Variants in LRCH1 observed in about 807,000 individuals in gnomAD.
LRCH1 encodes leucine rich repeats and calponin homology domain containing 1.
A neutral mutation model predicts 94.9 loss-of-function variants in LRCH1; 23 were observed. The ratio of observed to expected loss-of-function variants is 0.24; its 90% CI spans 0.17 to 0.34. The LOEUF is 0.34. Among genes scored for constraint, LRCH1 ranks in the 10% least tolerant of loss-of-function variants. The pLI, the probability that LRCH1 is intolerant of heterozygous loss-of-function variation, is 1.00. For missense variants in LRCH1, 790 were observed against 945.9 expected, an observed-to-expected ratio of 0.84 and a Z score of 2.16; for synonymous variants, 364 against 354.9, an observed-to-expected ratio of 1.03 and a Z score of -0.29.
chr13:46,604,910 T>C (rs953591558), intron 1 of LRCH1, among the ~76,000 whole-genome samples: 3 of 152,230 alleles, frequency 2.0e-5, no homozygotes, highest in African/African-American at 7.2e-5. Flanking sequence ...CATCGGAGAA[T>C]GTTCTCAGCC....
At chr13:46,627,979 G>A (rs2138038432) in intron 1 of LRCH1, among the ~76,000 whole-genome samples, 1 of 152,086 alleles carries the variant, frequency 6.6e-6, no homozygotes, top group Admixed American at 6.5e-5. Flanking sequence ...TCTGGCTAAT[G>A]GGAAATATTG....
chr13:46,576,613 C>A (rs1051625968), intron 1 of LRCH1, among the ~76,000 whole-genome samples: 4 of 152,216 alleles, frequency 2.6e-5, no homozygotes, highest in Non-Finnish European at 5.9e-5. Context: ...ATGCCTCTTT[C>A]CTTTCAATGT....
At position 46,566,151 on chromosome 13, in the gene LRCH1, A is replaced by G. The variant is rs146579116; in HGVS notation, c.307+12448A>G. On this transcript the variant is annotated intron_variant, in intron 1 of 19. Coordinates refer to ENST00000389797, the MANE Select transcript of LRCH1 (RefSeq NM_001164211.2). The stretch of plus-strand genomic sequence containing the variant: ...AAAACAAGCAAACAAATAAAAAACC[A>G]TTGACAGTCTCTTCATGTTCTTGGC... Among the ~76,000 whole-genome samples, 362 of 152,266 alleles carry G rather than the reference A, an allele frequency of 2.4e-3. 1 individual carries two copies. The highest frequency in any genetic ancestry group is 8.3e-3 in the African/African-American group (343 of 41,550).
intron 1 of LRCH1, among the ~76,000 whole-genome samples, chr13:46,583,703 G>T (rs538478336): frequency 4.0e-5 from 6 of 151,894 alleles, no homozygotes; most frequent in Non-Finnish European, 7.4e-5. Flanking sequence ...ATACATTTTT[G>T]AACGTAATCA....
intron 8 of LRCH1, among the ~76,000 whole-genome samples, chr13:46,692,966 CTTTTTTT>C (rs556715797): frequency 2.3e-5 from 3 of 128,186 alleles, no homozygotes; most frequent in African/African-American, 5.9e-5. Context: ...AGATAAAATT[CTTTTTTT>C]TTTTTTTTTT....
intron 3 of LRCH1, among the ~76,000 whole-genome samples, chr13:46,670,830 C>CAGGGAG (rs1008141116): frequency 1.3e-5 from 2 of 151,754 alleles, no homozygotes; most frequent in African/African-American, 4.8e-5. Context: ...AAGTCAGGGA[C>CAGGGAG]AGGGAAAGCA....
At chr13:46,693,265 G>A (rs1404987766) in intron 8 of LRCH1, among the ~76,000 whole-genome samples, 1 of 152,134 alleles carries the variant, frequency 6.6e-6, no homozygotes, top group African/African-American at 2.4e-5. Context: ...AAGTTCAAAT[G>A]GAGTTAGTGA....
intron 2 of LRCH1, among the ~76,000 whole-genome samples, chr13:46,665,645 A>T (rs2051504773): frequency 6.6e-6 from 1 of 152,160 alleles, no homozygotes; most frequent in Non-Finnish European, 1.5e-5. Context: ...CAGACTCTGC[A>T]GGGACAGTGA....
chr13:46,695,831 A>G (rs1483552478), intron 9 of LRCH1, among the ~76,000 whole-genome samples: 2 of 152,178 alleles, frequency 1.3e-5, no homozygotes, highest in Non-Finnish European at 2.9e-5. Context: ...ATCTCTGGGC[A>G]TCACCTTCAA....
rs540820490 is a variant in LRCH1 at position 46,607,549 on chromosome 13, G to T, written c.308-42652G>T. The stretch of plus-strand genomic sequence containing the variant: ...AATGATGAATAAATAGAGTCAGTGA[G>T]GACCTTCTTGCCCTCATGATTCATT... On this transcript the variant is annotated intron_variant, in intron 1 of 19. Coordinates refer to ENST00000389797, the MANE Select transcript of LRCH1 (RefSeq NM_001164211.2). Among the ~76,000 whole-genome samples, 30 of 152,104 alleles carry T rather than the reference G, an allele frequency of 2.0e-4. 1 individual carries two copies. In the South Asian group the frequency reaches 6.3e-3, roughly 32 times the overall value.
intron 1 of LRCH1, among the ~76,000 whole-genome samples, chr13:46,584,931 T>C (rs2050413792): frequency 6.6e-6 from 1 of 150,608 alleles, no homozygotes; most frequent in Admixed American, 6.7e-5. Context: ...GAGAAATGTA[T>C]TTTGGTCTGA....
intron 1 of LRCH1, among the ~76,000 whole-genome samples, chr13:46,599,796 C>T (rs1001873775): frequency 1.8e-4 from 27 of 152,112 alleles, no homozygotes; most frequent in African/African-American, 6.5e-4. Context: ...AGTAGGTGCT[C>T]AGTTCATTTT....
chr13:46,600,618 TACACACACAC>T (rs3068695), intron 1 of LRCH1, among the ~76,000 whole-genome samples: 17 of 143,286 alleles, frequency 1.2e-4, no homozygotes, highest in African/African-American at 4.2e-4. Flanking sequence ...TGACCAGATT[TACACACACAC>T]ACACACACAC....
At chr13:46,558,530 G>A (rs1171513471) in intron 1 of LRCH1, among the ~76,000 whole-genome samples, 2 of 127,790 alleles carry the variant, frequency 1.6e-5, no homozygotes, top group African/African-American at 3.0e-5. Flanking sequence ...GAGGCCAGGA[G>A]TTCAAGACCA....
intron 7 of LRCH1, among the ~76,000 whole-genome samples, chr13:46,690,283 G>A (rs986128708): frequency 1.3e-5 from 2 of 152,042 alleles, no homozygotes; most frequent in Non-Finnish European, 2.9e-5. Context: ...ATAACCCATA[G>A]GAAGGCACAT....
intron 4 of LRCH1, among the ~76,000 whole-genome samples, chr13:46,682,822 G>T (rs1190859699): frequency 1.3e-5 from 2 of 152,208 alleles, no homozygotes; most frequent in Non-Finnish European, 2.9e-5. Context: ...GGCTTCCATA[G>T]CATGTCTGTC....
intron 15 of LRCH1, among the ~76,000 whole-genome samples, chr13:46,714,305 C>T (rs1196387125): frequency 3.3e-5 from 5 of 152,104 alleles, no homozygotes; most frequent in Non-Finnish European, 7.4e-5. Flanking sequence ...CATGTGGGAA[C>T]TTTAAAAACT....
At chr13:46,734,040 A>C (rs375674156) in intron 19 of LRCH1, 42 bp downstream of exon 19, 1 of 1,095,472 alleles carries the variant, frequency 9.1e-7, no homozygotes, top group African/African-American at 1.6e-5. Flanking sequence ...TCTAGTAAAA[A>C]TTTTATTTAA....
intron 7 of LRCH1, 62 bp downstream of exon 7, chr13:46,689,258 T>C: frequency 7.8e-7 from 1 of 1,279,646 alleles, no homozygotes. Flanking sequence ...CAGTGTTCAT[T>C]GAACTCCTTT....
Sources: gnomAD v4.1 joint callset for allele counts (sites outside exome capture counted in the v4.1 genomes callset) on GRCh38, gnomAD v4.1.1 for gene constraint, MANE v1.5 for transcripts, NCBI Gene and HGNC (gene_info 2026-07-23, HGNC 2026-07-21) for gene names.